The following CARMIL1 variants were observed in gnomAD, a reference collection of about 807,000 sequenced individuals.
CARMIL1 encodes capping protein regulator and myosin 1 linker 1, also known as F-actin-uncapping protein LRRC16A.
In CARMIL1, 90 loss-of-function variants were observed where a neutral mutation model predicts 177.1. The ratio of observed to expected loss-of-function variants is 0.51; its 90% CI spans 0.43 to 0.61. CARMIL1 has a LOEUF of 0.61. Among genes scored for constraint, CARMIL1 ranks in the 20% least tolerant of loss-of-function variants. The probability of loss-of-function intolerance (pLI) is 0.00; values close to 1 mark genes in which losing one functional copy is unlikely to be tolerated. For synonymous variants in CARMIL1, 577 were observed against 606.2 expected (o/e 0.95, Z 0.71); for missense variants, 1,380 against 1,667.0 (o/e 0.83, Z 3.00).
intron 2 of CARMIL1, among the ~76,000 whole-genome samples, chr6:25,323,661 T>C (rs1784855173): frequency 2.6e-5 from 4 of 152,194 alleles, no homozygotes; most frequent in Admixed American, 2.6e-4. Context: ...CTGAAAATCA[T>C]AGATGTATGG....
chr6:25,400,149 T>C (rs1793767267), intron 2 of CARMIL1, among the ~76,000 whole-genome samples: 1 of 152,226 alleles, frequency 6.6e-6, no homozygotes, highest in Non-Finnish European at 1.5e-5. Flanking sequence ...AGCTTCCATT[T>C]CTGTCCTTAG....
chr6:25,579,400 T>C (rs1410321582), intron 29 of CARMIL1, among the ~76,000 whole-genome samples: 1 of 152,210 alleles, frequency 6.6e-6, no homozygotes, highest in African/African-American at 2.4e-5. Context: ...GTGCACAAGA[T>C]GGATAGAATA....
intron 31 of CARMIL1, among the ~76,000 whole-genome samples, chr6:25,592,665 A>G (rs938793320): frequency 1.3e-5 from 2 of 152,238 alleles, no homozygotes; most frequent in Non-Finnish European, 2.9e-5. Flanking sequence ...CAATGAATGA[A>G]GCGGATGATT....
In CARMIL1 at chr6:25,443,602, C is replaced by T. The variant is rs147425673; in HGVS notation, c.372-6296C>T. ...GGTTTCTCAGTGCATATAAAAGTTACGTTTACTAAAGTATGCAATAGCATT... is the reference window on the plus strand; with the variant it reads ...GGTTTCTCAGTGCATATAAAAGTTATGTTTACTAAAGTATGCAATAGCATT... On this transcript the variant is annotated intron_variant, in intron 5 of 36. Transcript: ENST00000329474. Among the ~76,000 whole-genome samples the T allele has an allele frequency of 2.0e-3, 310 of 152,254 alleles. 1 individual carries two copies. Among genetic ancestry groups the T allele is most frequent in the Non-Finnish European group, 3.5e-3 (241 of 68,014 alleles).
chr6:25,590,717 T>C (rs888329766), intron 31 of CARMIL1, among the ~76,000 whole-genome samples: 1 of 152,168 alleles, frequency 6.6e-6, no homozygotes, highest in Non-Finnish European at 1.5e-5. Context: ...TGATAATTTA[T>C]ATATTTTTAA....
Position 25,426,738 on chromosome 6 carries a change from A to T in CARMIL1, c.249+178A>T, listed in dbSNP as rs568712742. 2.0e-5 allele frequency among the ~76,000 whole-genome samples: 3 copies of T among 152,340 alleles called. No individual in the cohort carries two copies. The South Asian group carries it at 6.2e-4, about 32-fold the overall frequency. On this transcript the variant is annotated intron_variant, in intron 4 of 36. Transcript: ENST00000329474. ...GGGAATTCATTCTGATAAGGAAAAC[A>T]CATTCTCCATAACTCAGTTTGTGAA...
intron 2 of CARMIL1, among the ~76,000 whole-genome samples, chr6:25,345,188 C>T (rs1312966531): frequency 6.6e-6 from 1 of 152,164 alleles, no homozygotes; most frequent in Admixed American, 6.6e-5. Context: ...CTTCATTTAC[C>T]AGCAGCATTT....
intron 2 of CARMIL1, among the ~76,000 whole-genome samples, chr6:25,403,683 C>T (rs188751439): frequency 5.5e-4 from 84 of 152,246 alleles, no homozygotes; most frequent in Admixed American, 2.1e-3. Context: ...CTCTTACTGC[C>T]TTTAGATCTT....
rs547067582 is a variant in CARMIL1 at position 25,536,955 on chromosome 6, G to A, written c.2068-900G>A. Among the ~76,000 whole-genome samples, 20 of 152,156 alleles carry A rather than the reference G, an allele frequency of 1.3e-4. No homozygotes were observed. In the East Asian group the frequency reaches 2.5e-3, roughly 19 times the overall value. ...AAGAACATGAAATAAATAGACAACCGGCAGCTCTAACGAAAATATTGGAGA... is the reference window on the plus strand; with the variant it reads ...AAGAACATGAAATAAATAGACAACCAGCAGCTCTAACGAAAATATTGGAGA... On this transcript the variant is annotated intron_variant, in intron 24 of 36. Coordinates refer to ENST00000329474, the MANE Select transcript of CARMIL1 (RefSeq NM_017640.6).
At position 25,577,165 on chromosome 6, in the gene CARMIL1, G is replaced by C; in HGVS notation, c.2743-3759G>C. ...TTAGAGACAAGATTGGATTTTGCAA[G>C]ATGGTTCAGCTAGCAAAACAGGCGA... On this transcript the variant is annotated intron_variant, in intron 29 of 36. Coordinates refer to ENST00000329474, the MANE Select transcript of CARMIL1 (RefSeq NM_017640.6). The surrounding 1 kb of genome is among the most constrained non-coding windows in gnomAD (Gnocchi z 4.5). 1.0e-6 allele frequency: 1 copy of C among 980,292 alleles called. No individual in the cohort carries two copies. Among genetic ancestry groups the C allele is most frequent in the Non-Finnish European group, 1.2e-6 (1 of 825,298 alleles). 60.7% of individuals were successfully genotyped at this position (980,292 alleles called of 1,614,324 possible).
At chr6:25,601,452 T>C (rs1371241356) in intron 33 of CARMIL1, among the ~76,000 whole-genome samples, 6 of 152,262 alleles carry the variant, frequency 3.9e-5, no homozygotes, top group South Asian at 4.2e-4. Flanking sequence ...CTGAGGGTAA[T>C]ATTGAAGATA....
At chr6:25,427,311 T>A (rs1418618466) in intron 4 of CARMIL1, among the ~76,000 whole-genome samples, 1 of 152,186 alleles carries the variant, frequency 6.6e-6, no homozygotes, top group Non-Finnish European at 1.5e-5. Context: ...GCATTAGCTA[T>A]TTTTCTTAAT....
intron 26 of CARMIL1, among the ~76,000 whole-genome samples, chr6:25,547,185 A>G (rs1172057204): frequency 6.6e-6 from 1 of 152,220 alleles, no homozygotes; most frequent in Non-Finnish European, 1.5e-5. Context: ...ATTCTAAAAT[A>G]AAAATATGTG....
chr6:25,443,562 A>G (rs1797954808), intron 5 of CARMIL1, among the ~76,000 whole-genome samples: 1 of 152,232 alleles, frequency 6.6e-6, no homozygotes, highest in Admixed American at 6.5e-5. Flanking sequence ...CAATAAAGTG[A>G]GTCAAGAACT....
intron 29 of CARMIL1, 148 bp downstream of exon 29, chr6:25,556,998 G>C: frequency 1.2e-6 from 1 of 829,224 alleles, no homozygotes; most frequent in Non-Finnish European, 1.9e-6. Flanking sequence ...AAGTCCTAAA[G>C]AGGCCGCTAA....
chr6:25,584,681 A>C (rs1354730559), intron 31 of CARMIL1, among the ~76,000 whole-genome samples: 2 of 152,112 alleles, frequency 1.3e-5, no homozygotes, highest in Non-Finnish European at 2.9e-5. Context: ...AAACTGGGGC[A>C]CTTAGCAAGG....
At chr6:25,450,952 CT>C (rs1798817231) in intron 8 of CARMIL1, among the ~76,000 whole-genome samples, 1 of 23,708 alleles carries the variant, frequency 4.2e-5, no homozygotes, top group African/African-American at 1.6e-4. Flanking sequence ...CTCTCCTCTC[CT>C]CTCCTCTCCT....
intron 2 of CARMIL1, among the ~76,000 whole-genome samples, chr6:25,368,842 T>G (rs1280096855): frequency 6.6e-6 from 1 of 152,242 alleles, no homozygotes; most frequent in African/African-American, 2.4e-5. Flanking sequence ...AGACTCATGT[T>G]TTTTGAGTAA....
At chr6:25,547,751 A>T (rs1276396773) in intron 26 of CARMIL1, among the ~76,000 whole-genome samples, 1 of 152,134 alleles carries the variant, frequency 6.6e-6, no homozygotes, top group Non-Finnish European at 1.5e-5. Flanking sequence ...TTTCTGGATG[A>T]GTGTTCATCA....
Sources: allele counts gnomAD v4.1 joint callset (sites outside exome capture counted in the v4.1 genomes callset), GRCh38; gene constraint gnomAD v4.1.1; non-coding constraint Gnocchi (gnomAD v3.1); transcripts MANE v1.5; gene names NCBI Gene and HGNC (gene_info 2026-07-23, HGNC 2026-07-21).